Variants in SLC20A2 observed in about 807,000 individuals in gnomAD.
SLC20A2 encodes the protein sodium-dependent phosphate transporter 2.
In SLC20A2, 30 loss-of-function variants were observed where a neutral mutation model predicts 61.0. That is an observed-to-expected ratio of 0.49 (90% CI 0.37 to 0.67). The LOEUF (loss-of-function observed/expected upper bound fraction) is 0.67, where lower values mean the gene tolerates loss of function less well. Among genes scored for constraint, SLC20A2 ranks in the 30% least tolerant of loss-of-function variants. SLC20A2 has a pLI of 0.00. For missense variants in SLC20A2, 626 were observed against 866.4 expected, an observed-to-expected ratio of 0.72 and a Z score of 3.48; for synonymous variants, 351 against 353.3, an observed-to-expected ratio of 0.99 and a Z score of 0.07.
rs141573701 is a variant in SLC20A2 at position 42,493,098 on chromosome 8, C to T, written c.-265+7933G>A. Among the ~76,000 whole-genome samples, 421 of 152,338 alleles carry T rather than the reference C, an allele frequency of 2.8e-3. 1 individual carries two copies. Among genetic ancestry groups the T allele is most frequent in the Non-Finnish European group, 3.9e-3 (265 of 68,030 alleles). On this transcript the variant is annotated intron_variant, in intron 1 of 10. Transcript: ENST00000520262. ...GACAAATGCCATTTTGCTCCAGGCC[C>T]AGGCTTAGGAGAGACTCTCTCAATG...
chr8:42,462,463 G>A (rs996841020), intron 4 of SLC20A2, among the ~76,000 whole-genome samples: 1 of 152,080 alleles, frequency 6.6e-6, no homozygotes, highest in African/African-American at 2.4e-5. Flanking sequence ...AGATAGCCAC[G>A]TTTTGTGTCT....
upstream of SLC20A2, among the ~76,000 whole-genome samples, chr8:42,505,109 C>CT (rs11295337): frequency 7.0e-6 from 1 of 142,708 alleles, no homozygotes; most frequent in Non-Finnish European, 1.5e-5. Context: ...CCCCCCCAAC[C>CT]TTTTTTTTTT....
At chr8:42,482,602 AC>A (rs1165529070) in intron 1 of SLC20A2, among the ~76,000 whole-genome samples, 1 of 152,070 alleles carries the variant, frequency 6.6e-6, no homozygotes, top group Non-Finnish European at 1.5e-5. Flanking sequence ...TACAGAAATT[AC>A]CCAGCTACCC....
At chr8:42,435,404 A>C (rs1404065114) in intron 8 of SLC20A2, among the ~76,000 whole-genome samples, 1 of 152,126 alleles carries the variant, frequency 6.6e-6, no homozygotes, top group Non-Finnish European at 1.5e-5. Flanking sequence ...ACAGAAACCG[A>C]GCGAGTGGGG....
At chr8:42,465,968 A>G in intron 2 of SLC20A2, 51 bp from the exon 3 acceptor site, 1 of 1,497,958 alleles carries the variant, frequency 6.7e-7, no homozygotes, top group Non-Finnish European at 8.9e-7. Flanking sequence ...AGAGGTGCAG[A>G]CACCAAGGGA....
At chr8:42,473,863 T>C (rs1807846619) in intron 1 of SLC20A2, among the ~76,000 whole-genome samples, 1 of 152,204 alleles carries the variant, frequency 6.6e-6, no homozygotes, top group Non-Finnish European at 1.5e-5. Flanking sequence ...ACTGTGATTA[T>C]GGCAATGTTG....
intron 1 of SLC20A2, among the ~76,000 whole-genome samples, chr8:42,528,228 G>C (rs550097169): frequency 6.6e-6 from 1 of 152,142 alleles, no homozygotes; most frequent in Non-Finnish European, 1.5e-5. Flanking sequence ...TTGGGAGGCC[G>C]AGGCAGGCAG....
Position 42,465,871 on chromosome 8 carries a change from G to C in SLC20A2, c.336C>G (p.Ile112Met). The C allele has an allele frequency of 6.2e-7, 1 of 1,613,810 alleles. No individual in the cohort carries two copies. Among genetic ancestry groups the C allele is most frequent in the Non-Finnish European group, 8.5e-7 (1 of 1,179,916 alleles). The change falls in exon 3 of 11, where the codon ATC (isoleucine) becomes ATG (methionine). Residue 112 changes from isoleucine (I) to methionine (M), a missense_variant. Physicochemically the swap from Ile to Met is conservative, Grantham distance 10. Around this residue, in one of 3 missense-constraint regions of SLC20A2, gnomAD observed 127 missense variants for 215.4 expected, o/e 0.59. Coordinates refer to ENST00000520262, the MANE Select transcript of SLC20A2 (RefSeq NM_001257180.2). ...QLIASFLRLP[I>M]SGTHCIVGST... ...AACCCACAATGCAGTGCGTTCCTGA[G>C]ATTGGAAGCCTCAGGAAGGAAGCAA...
intron 1 of SLC20A2, among the ~76,000 whole-genome samples, chr8:42,499,322 G>A (rs1272261964): frequency 6.6e-6 from 1 of 152,178 alleles, no homozygotes; most frequent in African/African-American, 2.4e-5. Flanking sequence ...CGGGGTAGAA[G>A]CAGCGAAGAG....
chr8:42,427,769 C>T (rs1351012656), intron 10 of SLC20A2, among the ~76,000 whole-genome samples: 2 of 152,254 alleles, frequency 1.3e-5, no homozygotes, highest in African/African-American at 2.4e-5. Context: ...CTTTGCTTGG[C>T]GTTGTCTTTT....
chr8:42,531,231 T>C (rs1354890570), intron 1 of SLC20A2, among the ~76,000 whole-genome samples: 2 of 152,192 alleles, frequency 1.3e-5, no homozygotes, highest in African/African-American at 2.4e-5. Context: ...AGTAGCCTAA[T>C]TGTGGCTTTG....
chr8:42,499,310 C>T (rs1212481818), intron 1 of SLC20A2, among the ~76,000 whole-genome samples: 2 of 152,170 alleles, frequency 1.3e-5, no homozygotes, highest in African/African-American at 2.4e-5. Flanking sequence ...TCACCAGGCA[C>T]ACGGGGTAGA....
intron 1 of SLC20A2, among the ~76,000 whole-genome samples, chr8:42,498,927 G>C (rs753913673): frequency 6.6e-6 from 1 of 152,196 alleles, no homozygotes; most frequent in Non-Finnish European, 1.5e-5. Flanking sequence ...TCCTCTCTGC[G>C]TCCCTGAGAA....
intron 9 of SLC20A2, 33 bp downstream of exon 9, chr8:42,430,031 A>C: frequency 6.3e-7 from 1 of 1,576,248 alleles, no homozygotes; most frequent in Middle Eastern, 2.3e-4. Flanking sequence ...GGATGACAAG[A>C]CCTGCCCTGC....
At chr8:42,468,785 G>T (rs1041605045) in intron 2 of SLC20A2, among the ~76,000 whole-genome samples, 2 of 152,176 alleles carry the variant, frequency 1.3e-5, no homozygotes, top group African/African-American at 2.4e-5. Flanking sequence ...GAGGGAGCTG[G>T]AAGGGGGCTG....
chr8:42,418,213 C>G (rs191938207), intron 10 of SLC20A2, among the ~76,000 whole-genome samples: 1 of 152,352 alleles, frequency 6.6e-6, no homozygotes, highest in East Asian at 1.9e-4. Context: ...TTCACCCAGG[C>G]TGGAGTGCAG....
chr8:42,541,033 G>A (rs1281179488), intron 1 of SLC20A2: 2 of 152,202 alleles, frequency 1.3e-5, no homozygotes, highest in African/African-American at 4.8e-5. Flanking sequence ...GCTTTCTTAA[G>A]AGTACACGTG....
intron 1 of SLC20A2, among the ~76,000 whole-genome samples, chr8:42,528,889 A>C (rs980542811): frequency 6.6e-6 from 1 of 150,880 alleles, no homozygotes; most frequent in Non-Finnish European, 1.5e-5. Flanking sequence ...CTGGTCTCGA[A>C]CTCCTGATCT....
In SLC20A2 at chr8:42,524,514, G is replaced by A. The variant is rs149694554; in HGVS notation, c.-265+17307C>T. 4.7e-3 allele frequency among the ~76,000 whole-genome samples: 715 copies of A among 152,168 alleles called. 9 individuals carry two copies. The highest frequency in any genetic ancestry group is 0.017 in the African/African-American group (686 of 41,504). ...TAAAATATACCCATGCAGGCTGGGC[G>A]CTGTGGCTCACCCCTGTAATCCCAG... On this transcript the variant is annotated intron_variant, in intron 1 of 10. Transcript: ENST00000342228.
Sources: allele counts gnomAD v4.1 joint callset (sites outside exome capture counted in the v4.1 genomes callset), GRCh38; gene constraint gnomAD v4.1.1; regional missense constraint gnomAD v4.1.1; transcripts MANE v1.5; gene names NCBI Gene and HGNC (gene_info 2026-07-23, HGNC 2026-07-21).